The following YY1AP1 variants were observed in gnomAD, a reference collection of about 807,000 sequenced individuals.
YY1AP1 encodes the protein YY1-associated protein 1.
In YY1AP1, 43 loss-of-function variants were observed where a neutral mutation model predicts 39.9. The ratio of observed to expected loss-of-function variants is 1.08; its 90% confidence interval spans 0.84 to 1.39. The LOEUF (loss-of-function observed/expected upper bound fraction) is 1.39, where lower values mean the gene tolerates loss of function less well. Among genes scored for constraint, YY1AP1 ranks in the 40% most tolerant of loss-of-function variants. The pLI is 0.00. For synonymous variants in YY1AP1, 292 were observed against 331.3 expected (o/e 0.88, Z 1.29); for missense variants, 813 against 900.7 (o/e 0.90, Z 1.25).
intron 5 of YY1AP1, among the ~76,000 whole-genome samples, chr1:155,675,745 A>G (rs1355645929): frequency 6.6e-6 from 1 of 152,156 alleles, no homozygotes; most frequent in Non-Finnish European, 1.5e-5. Context: ...TGTGTGAGCC[A>G]CTGCACCCAG....
Position 155,660,321 on chromosome 1 carries a change from G to A in YY1AP1, c.1589C>T (p.Pro530Leu), listed in dbSNP as rs760022137. 2 of 1,614,136 alleles carry A rather than the reference G, an allele frequency of 1.2e-6. No individual in the cohort carries two copies. Among genetic ancestry groups the A allele is most frequent in the South Asian group, 1.1e-5 (1 of 91,078 alleles). Residue 530 changes from proline (P) to leucine (L), a missense_variant, in exon 11 of 11, where the codon CCC becomes CTC. Around this residue, in one of 3 missense-constraint regions of YY1AP1, gnomAD observed 586 missense variants for 647.4 expected, o/e 0.91. Coordinates refer to ENST00000355499, the MANE Select transcript of YY1AP1 (RefSeq NM_139119.3). ...MFRKPYVRRRPSKRRGARAFR... is the reference protein window; with the variant it reads ...MFRKPYVRRRLSKRRGARAFR... ...GGCCCTGGCTCCCCTTCTTTTTGAGGGTCTCCGTCTCACATATGGCTTTCG... is the reference window on the plus strand; with the variant it reads ...GGCCCTGGCTCCCCTTCTTTTTGAGAGTCTCCGTCTCACATATGGCTTTCG...
chr1:155,688,788 G>T, upstream of YY1AP1: 2 of 1,542,908 alleles, frequency 1.3e-6, no homozygotes, highest in Non-Finnish European at 1.7e-6. Flanking sequence ...CCTCGCGCGT[G>T]CGCCTCCCAC....
At chr1:155,670,615 G>T in intron 7 of YY1AP1, 151 bp from the exon 8 acceptor site, 1 of 728,924 alleles carries the variant, frequency 1.4e-6, no homozygotes, top group Non-Finnish European at 2.2e-6. Context: ...AGTTTCCACA[G>T]TCTTTCCTCA....
At position 155,660,103 on chromosome 1, in the gene YY1AP1, G is replaced by A. The variant is rs1310181854; in HGVS notation, c.1807C>T (p.Pro603Ser). 5.0e-6 allele frequency: 8 copies of A among 1,614,082 alleles called. No individual in the cohort carries two copies. Among genetic ancestry groups the A allele is most frequent in the Non-Finnish European group, 6.8e-6 (8 of 1,180,046 alleles). ...GAGGCCACAAGGGGCTGGTTCAATG[G>A]ACAGGGGAAGGAAGTAGGGTTAACC... Reference protein sequence around the residue: ...LLVNPTSFPCPLNQPLVASSV... With the variant: ...LLVNPTSFPCSLNQPLVASSV... The change falls in exon 11 of 11, where the codon CCA becomes TCA. Residue 603 changes from proline to serine, a missense_variant. Physicochemically the swap from Pro to Ser is moderately conservative, Grantham distance 74. Around this residue, in one of 3 missense-constraint regions of YY1AP1, gnomAD observed 586 missense variants for 647.4 expected, o/e 0.91. Coordinates refer to ENST00000355499, the MANE Select transcript of YY1AP1 (RefSeq NM_139119.3).
chr1:155,667,616 G>C (rs1649207814), intron 9 of YY1AP1, among the ~76,000 whole-genome samples: 1 of 152,116 alleles, frequency 6.6e-6, no homozygotes, highest in African/African-American at 2.4e-5. Flanking sequence ...CTGAGGTCAG[G>C]AGTTCGAGAC....
intron 10 of YY1AP1, 101 bp from the exon 11 acceptor site, chr1:155,661,014 T>C: frequency 6.3e-7 from 1 of 1,582,596 alleles, no homozygotes; most frequent in African/African-American, 1.3e-5. Flanking sequence ...CAAGGCATCT[T>C]TCCAAGGGAC....
At chr1:155,685,545 T>C (rs575632161) in intron 2 of YY1AP1, among the ~76,000 whole-genome samples, 8 of 152,336 alleles carry the variant, frequency 5.3e-5, no homozygotes, top group Admixed American at 4.6e-4. Context: ...TAGATACTTG[T>C]GCGACATTAG....
Position 155,661,269 on chromosome 1 carries a change from C to A in YY1AP1, c.996+38G>T, listed in dbSNP as rs754595040. On this transcript the variant is annotated intron_variant, in intron 10 of 10. Coordinates refer to ENST00000355499, the MANE Select transcript of YY1AP1 (RefSeq NM_139119.3). ...ATATTCTCTCAGAACTTTCAGTGAC[C>A]TTCTGCCTCCTACAGACTTCGAGGA... The A allele has an allele frequency of 1.9e-6, 3 of 1,613,876 alleles. No individual in the cohort carries two copies. The East Asian group carries it at 6.7e-5, about 36-fold the overall frequency.
chr1:155,665,400 C>A lies in YY1AP1; in HGVS notation c.879+3227G>T, dbSNP rs577150277. ...GGATCAAGAGGTCAGGAGATCAAAA[C>A]CATCCTGGCTAACATGGTGAAACCC... On this transcript the variant is annotated intron_variant, in intron 9 of 10. Transcript: ENST00000355499. Among the ~76,000 whole-genome samples the A allele has an allele frequency of 3.3e-5, 5 of 151,684 alleles. No individual in the cohort carries two copies. In the East Asian group the frequency reaches 5.9e-4, roughly 18 times the overall value.
chr1:155,668,491 G>C (rs369790106), intron 9 of YY1AP1, 136 bp downstream of exon 9: 2 of 1,348,622 alleles, frequency 1.5e-6, no homozygotes, highest in Admixed American at 2.0e-5. Flanking sequence ...AGGCAACAGG[G>C]GAATTAATCT....
Position 155,663,526 on chromosome 1 carries a change from C to A in YY1AP1, c.880-2103G>T, listed in dbSNP as rs372146707. 1.8e-4 allele frequency among the ~76,000 whole-genome samples: 28 copies of A among 152,072 alleles called. 2 individuals carry two copies. In the East Asian group the frequency reaches 2.9e-3, roughly 16 times the overall value. ...ACGAGGTCAGGAGTTTGAGACCAGC[C>A]TGACCAACAAGGTGAAACCCCGTCT... On this transcript the variant is annotated intron_variant, in intron 9 of 10. Transcript: ENST00000355499.
At chr1:155,679,882 G>A (rs1651267757) in intron 3 of YY1AP1, 1 of 896,930 alleles carries the variant, frequency 1.1e-6, no homozygotes, top group Non-Finnish European at 1.4e-6. Context: ...TGACAGTAGG[G>A]GAAGCCATCA....
chr1:155,680,268 C>G, intron 3 of YY1AP1, 148 bp downstream of exon 3: 1 of 764,548 alleles, frequency 1.3e-6, no homozygotes. Context: ...TAGCAAATTT[C>G]TTTTGTCATT....
chr1:155,659,556 T>C lies in YY1AP1; in HGVS notation c.*101A>G. 2.2e-6 allele frequency: 3 copies of C among 1,358,072 alleles called. No individual in the cohort carries two copies. The highest frequency in any genetic ancestry group is 3.0e-6 in the Non-Finnish European group (3 of 990,458). The allele number at this position is 1,358,072 out of a possible 1,614,324, so 84.1% of individuals were successfully genotyped here. On this transcript the variant is annotated 3_prime_UTR_variant, in exon 11 of 11. Transcript: ENST00000355499. ...AGAGCCCCAGTTGCAAAATCTGGGG[T>C]TTAAGTACCCTTTAGGGGTTTCCTA...
chr1:155,663,133 G>C (rs1003076679), intron 9 of YY1AP1, among the ~76,000 whole-genome samples: 1 of 152,064 alleles, frequency 6.6e-6, no homozygotes, highest in Non-Finnish European at 1.5e-5. Flanking sequence ...AGCACTTTGG[G>C]AGGCCGAGGC....
intron 9 of YY1AP1, among the ~76,000 whole-genome samples, chr1:155,665,390 G>C (rs1482096112): frequency 6.6e-6 from 1 of 151,600 alleles, no homozygotes; most frequent in Non-Finnish European, 1.5e-5. Flanking sequence ...AAGAGGTCAG[G>C]AGATCAAAAC....
rs144757242 is a variant in YY1AP1, at chr1:155,663,731, C to A, written c.880-2308G>T. On this transcript the variant is annotated intron_variant, in intron 9 of 10. Transcript: ENST00000355499. Reference sequence around the variant, plus strand: ...GAGACTCTGTCTCAAAACAAACAAACAAACAAAAACAAAAAGAAAGTACTT... The same window carrying A: ...GAGACTCTGTCTCAAAACAAACAAAAAAACAAAAACAAAAAGAAAGTACTT... 3.2e-3 allele frequency among the ~76,000 whole-genome samples: 488 copies of A among 151,736 alleles called. 1 individual carries two copies. Among genetic ancestry groups the A allele is most frequent in the African/African-American group, 0.011 (475 of 41,450 alleles).
At chr1:155,671,445 GAAAA>G (rs1000582671) in intron 7 of YY1AP1, among the ~76,000 whole-genome samples, 1 of 148,642 alleles carries the variant, frequency 6.7e-6, no homozygotes, top group African/African-American at 2.5e-5. Flanking sequence ...AAAAAAAAAA[GAAAA>G]AAGATTCCAA....
At chr1:155,662,725 G>A (rs567322453) in intron 9 of YY1AP1, among the ~76,000 whole-genome samples, 3 of 152,132 alleles carry the variant, frequency 2.0e-5, no homozygotes, top group Non-Finnish European at 4.4e-5. Flanking sequence ...AAAGGGCTGG[G>A]CATGGTGGCT....
Sources: allele counts gnomAD v4.1 joint callset (sites outside exome capture counted in the v4.1 genomes callset), GRCh38; gene constraint gnomAD v4.1.1; regional missense constraint gnomAD v4.1.1; transcripts MANE v1.5; gene names NCBI Gene and HGNC (gene_info 2026-07-23, HGNC 2026-07-21).